The following RAPGEF4 variants were observed in gnomAD, a reference collection of about 807,000 sequenced individuals.
RAPGEF4 encodes Rap guanine nucleotide exchange factor 4.
Under a neutral mutation model 147.9 loss-of-function variants are expected in RAPGEF4, and 66 were observed. The ratio of observed to expected loss-of-function variants is 0.45; its 90% CI spans 0.37 to 0.55. RAPGEF4 has a LOEUF of 0.55. Ranked by LOEUF, RAPGEF4 falls within the 20% of genes least tolerant of loss-of-function variation. RAPGEF4 has a pLI of 0.00. For missense variants in RAPGEF4, 1,071 were observed against 1,257.3 expected (o/e 0.85, Z 2.24); for synonymous variants, 419 against 442.7 (o/e 0.95, Z 0.67).
chr2:172,980,253 A>G (rs1691536247), intron 10 of RAPGEF4, among the ~76,000 whole-genome samples: 1 of 152,114 alleles, frequency 6.6e-6, no homozygotes, highest in Non-Finnish European at 1.5e-5. Context: ...GCGTTGTGTG[A>G]TGAAGAGGGA....
chr2:172,781,398 C>T (rs1033452323), intron 1 of RAPGEF4, among the ~76,000 whole-genome samples: 3 of 152,120 alleles, frequency 2.0e-5, no homozygotes, highest in African/African-American at 7.2e-5. Context: ...AATCCCAGCA[C>T]TTTGGGAGGC....
chr2:172,745,691 A>G (rs1000639695), intron 1 of RAPGEF4, among the ~76,000 whole-genome samples: 4 of 151,994 alleles, frequency 2.6e-5, no homozygotes, highest in Admixed American at 6.6e-5. Context: ...TTTCAGCTTC[A>G]ATTTCTCATT....
At chr2:172,843,300 T>C (rs1417781685) in intron 4 of RAPGEF4, among the ~76,000 whole-genome samples, 1 of 152,174 alleles carries the variant, frequency 6.6e-6, no homozygotes, top group African/African-American at 2.4e-5. Flanking sequence ...TGTTATGAGC[T>C]AAGTAAAAAT....
rs1575445378 is a variant in RAPGEF4, at chr2:172,985,283, T to C, written c.1090-150T>C. ...CTAGCAGCAAATCGAGTAGAAGTGA[T>C]TTTAGATGAGAGCAGCAGCAAGAGA... On this transcript the variant is annotated intron_variant, in intron 11 of 30. Coordinates refer to ENST00000397081, the MANE Select transcript of RAPGEF4 (RefSeq NM_007023.4). 1.4e-5 allele frequency: 15 copies of C among 1,082,202 alleles called. No individual in the cohort carries two copies. In the East Asian group the frequency reaches 3.5e-4, roughly 25 times the overall value. 67.0% of individuals were successfully genotyped at this position (1,082,202 alleles called of 1,614,324 possible).
In RAPGEF4 at chr2:172,735,906, C is replaced by G. The variant is rs1002057125; in HGVS notation, c.-78C>G. The G allele has an allele frequency of 4.9e-6, 6 of 1,232,134 alleles. No homozygotes were observed. The African/African-American group carries it at 9.6e-5, about 20-fold the overall frequency. 76.3% of individuals were successfully genotyped at this position (1,232,134 alleles called of 1,614,324 possible). On this transcript the variant is annotated 5_prime_UTR_variant, in exon 1 of 31. Transcript: ENST00000397081. ...GGAGGAGCGGGGTCCGCGCGGCGGA[C>G]GAGGCGGGGGCGGAGGCGCAGGCAG...
chr2:172,961,190 C>T lies in RAPGEF4; in HGVS notation c.660C>T (p.His220=), dbSNP rs535960162. The T allele has an allele frequency of 5.6e-6, 9 of 1,612,358 alleles. No homozygotes were observed. In the Admixed American group the frequency reaches 1.2e-4, roughly 21 times the overall value. The change falls in exon 8 of 31, where the codon CAC becomes CAT. Residue 220 remains histidine, a synonymous_variant. Coordinates refer to ENST00000397081, the MANE Select transcript of RAPGEF4 (RefSeq NM_007023.4). ...ATGCCATTCTCTCTCGAGCACCTCA[C>T]ATGATAAGAGATAGAAAATACCACC... ...LRNAILSRAP[H]MIRDRKYHLK...
At chr2:173,038,436 T>A (rs145499559) in intron 29 of RAPGEF4, among the ~76,000 whole-genome samples, 110 of 152,040 alleles carry the variant, frequency 7.2e-4, no homozygotes, top group African/African-American at 2.5e-3. Flanking sequence ...TCCTAAAGAG[T>A]TTACTGAGCT....
intron 6 of RAPGEF4, among the ~76,000 whole-genome samples, chr2:172,949,530 T>C (rs1575343720): frequency 6.6e-6 from 1 of 152,188 alleles, no homozygotes; most frequent in East Asian, 1.9e-4. Context: ...ATGCATTGAT[T>C]ATGAATCTTC....
At chr2:172,831,445 G>T (rs188410947) in intron 4 of RAPGEF4, among the ~76,000 whole-genome samples, 2,273 of 150,964 alleles carry the variant, frequency 0.015, 19 homozygotes, top group South Asian at 0.034. Flanking sequence ...ATTTTTGTAT[G>T]TTTAGTAGAG....
Position 173,001,313 on chromosome 2 carries a change from A to C in RAPGEF4, c.1627A>C (p.Asn543His). ...FIMMHCVFMP[N>H]TQLCPALVAH... ...TATGATGCACTGTGTTTTTATGCCA[A>C]ATACCCAGCTTTGCCCGGCACTGGT... The change falls in exon 17 of 31, where the codon AAT (asparagine) becomes CAT (histidine). Residue 543 changes from asparagine (N) to histidine (H), a missense_variant. Coordinates refer to ENST00000397081, the MANE Select transcript of RAPGEF4 (RefSeq NM_007023.4). 6.2e-7 allele frequency: 1 copy of C among 1,614,028 alleles called. No homozygotes were observed. The highest frequency in any genetic ancestry group is 8.5e-7 in the Non-Finnish European group (1 of 1,179,938).
chr2:172,767,619 T>C (rs1696974471), intron 1 of RAPGEF4, among the ~76,000 whole-genome samples: 1 of 152,236 alleles, frequency 6.6e-6, no homozygotes, highest in Non-Finnish European at 1.5e-5. Context: ...TAATTTTTTC[T>C]TTCTGCTTTC....
At chr2:172,777,811 T>C (rs1308644217) in intron 1 of RAPGEF4, among the ~76,000 whole-genome samples, 1 of 152,154 alleles carries the variant, frequency 6.6e-6, no homozygotes, top group Non-Finnish European at 1.5e-5. Flanking sequence ...TGTGTTTCCC[T>C]TCTTCCTGGG....
chr2:172,762,581 G>T (rs1696450191), intron 1 of RAPGEF4, among the ~76,000 whole-genome samples: 1 of 152,200 alleles, frequency 6.6e-6, no homozygotes, highest in Non-Finnish European at 1.5e-5. Flanking sequence ...TGGGATTGGG[G>T]CTGCATTTGT....
intron 17 of RAPGEF4, among the ~76,000 whole-genome samples, chr2:173,003,329 C>T (rs778308368): frequency 5.9e-5 from 9 of 152,058 alleles, no homozygotes; most frequent in East Asian, 1.9e-4. Context: ...AGCAAACAGG[C>T]GTGGAAGAGC....
intron 1 of RAPGEF4, among the ~76,000 whole-genome samples, chr2:172,743,775 G>A (rs1694522500): frequency 6.6e-6 from 1 of 152,046 alleles, no homozygotes; most frequent in African/African-American, 2.4e-5. Flanking sequence ...TTTCTGCCTG[G>A]AGTTACTACC....
chr2:172,953,791 G>A (rs1435468974), intron 6 of RAPGEF4, among the ~76,000 whole-genome samples: 2 of 152,138 alleles, frequency 1.3e-5, no homozygotes, highest in African/African-American at 4.8e-5. Flanking sequence ...TGAGATCTGT[G>A]TCTCCCATCC....
chr2:172,880,526 T>C (rs1283601685), intron 4 of RAPGEF4, among the ~76,000 whole-genome samples: 2 of 152,214 alleles, frequency 1.3e-5, no homozygotes, highest in African/African-American at 2.4e-5. Context: ...GTCTAGATTT[T>C]GAAGAACTGT....
chr2:172,898,155 T>A (rs1698713041), intron 4 of RAPGEF4, among the ~76,000 whole-genome samples: 1 of 152,028 alleles, frequency 6.6e-6, no homozygotes, highest in Non-Finnish European at 1.5e-5. Context: ...GTTGGGGGAT[T>A]TAGAAGTCAA....
At chr2:172,982,161 G>A (rs1157701139) in intron 10 of RAPGEF4, among the ~76,000 whole-genome samples, 1 of 152,116 alleles carries the variant, frequency 6.6e-6, no homozygotes, top group African/African-American at 2.4e-5. Context: ...GCTGTGTTTA[G>A]TACACCAATA....
Sources: allele counts gnomAD v4.1 joint callset (sites outside exome capture counted in the v4.1 genomes callset), GRCh38; gene constraint gnomAD v4.1.1; transcripts MANE v1.5; gene names NCBI Gene and HGNC (gene_info 2026-07-23, HGNC 2026-07-21).